The following USP6NL variants were observed in gnomAD, a reference collection of about 807,000 sequenced individuals.
USP6NL encodes the protein USP6 N-terminal like.
Under a neutral mutation model 61.9 loss-of-function variants are expected in USP6NL, and 26 were observed. The ratio of observed to expected loss-of-function variants is 0.42; its 90% CI spans 0.31 to 0.58. USP6NL has a LOEUF of 0.58. USP6NL is among the 20% of genes least tolerant of loss of function. The pLI is 0.16. For missense variants in USP6NL, 1,114 were observed against 1,034.3 expected, an observed-to-expected ratio of 1.08 and a Z score of -1.06; for synonymous variants, 432 against 390.1, an observed-to-expected ratio of 1.11 and a Z score of -1.27.
At chr10:11,583,913 C>T (rs1837877774) in intron 2 of USP6NL, among the ~76,000 whole-genome samples, 1 of 152,076 alleles carries the variant, frequency 6.6e-6, no homozygotes, top group Non-Finnish European at 1.5e-5. Context: ...CCTGTGGTCC[C>T]GGCTACTTCA....
At chr10:11,568,359 C>T (rs1468762563) in intron 2 of USP6NL, among the ~76,000 whole-genome samples, 2 of 152,134 alleles carry the variant, frequency 1.3e-5, no homozygotes, top group Non-Finnish European at 2.9e-5. Flanking sequence ...CACCATGACA[C>T]AAAGACATTC....
At chr10:11,582,617 T>C (rs1171975658) in intron 2 of USP6NL, among the ~76,000 whole-genome samples, 4 of 152,244 alleles carry the variant, frequency 2.6e-5, no homozygotes, top group Middle Eastern at 3.2e-3. Flanking sequence ...AAGCAGATTA[T>C]ATGATAGTAA....
Position 11,561,242 on chromosome 10 carries a change from T to A in USP6NL, c.5-33675A>T, listed in dbSNP as rs777631793. On this transcript the variant is annotated intron_variant, in intron 2 of 14. Coordinates refer to ENST00000609104, the MANE Select transcript of USP6NL (RefSeq NM_014688.5). This position sits in a 1 kb window ranked among gnomAD's most constrained non-coding sequence, Gnocchi z 4.1. ...CCTAACTGAACACTTAATTCATGCT[T>A]ATAAAATATTCAAGCAATACAGAAA... 2.6e-5 allele frequency among the ~76,000 whole-genome samples: 4 copies of A among 152,188 alleles called. No individual in the cohort carries two copies. The highest frequency in any genetic ancestry group is 4.4e-5 in the Non-Finnish European group (3 of 68,020).
Position 11,465,267 on chromosome 10 carries a change from A to G in USP6NL, c.1079-1418T>C, listed in dbSNP as rs1249776340. Among the ~76,000 whole-genome samples the G allele has an allele frequency of 2.0e-5, 3 of 152,260 alleles. No individual in the cohort carries two copies. Among genetic ancestry groups the G allele is most frequent in the Non-Finnish European group, 4.4e-5 (3 of 68,042 alleles). ...CTGGCTGATATTCCATCAGACAGCA[A>G]TATCAGCCAATCATCAAAACATCCT... On this transcript the variant is annotated intron_variant, in intron 14 of 14. Coordinates refer to ENST00000609104, the MANE Select transcript of USP6NL (RefSeq NM_014688.5). The surrounding 1 kb of genome is among the most constrained non-coding windows in gnomAD (Gnocchi z 4.5).
intron 2 of USP6NL, among the ~76,000 whole-genome samples, chr10:11,581,087 TC>T (rs1265449171): frequency 6.6e-6 from 1 of 152,200 alleles, no homozygotes; most frequent in Non-Finnish European, 1.5e-5. Flanking sequence ...GTCTCTATTT[TC>T]TTCTTTTTGT....
chr10:11,606,537 T>C (rs563086035), intron 1 of USP6NL, among the ~76,000 whole-genome samples: 3 of 151,920 alleles, frequency 2.0e-5, no homozygotes, highest in South Asian at 2.1e-4. Context: ...AGAAAGGAAA[T>C]TGAATGTAAA....
rs1012949793 is a variant in USP6NL at position 11,575,746 on chromosome 10, T to C, written c.4+21885A>G. Among the ~76,000 whole-genome samples, 1 of 152,246 alleles carries C rather than the reference T, an allele frequency of 6.6e-6. No homozygotes were observed. Among genetic ancestry groups the C allele is most frequent in the Non-Finnish European group, 1.5e-5 (1 of 68,036 alleles). On this transcript the variant is annotated intron_variant, in intron 2 of 14. Transcript: ENST00000609104. The surrounding 1 kb of genome is among the most constrained non-coding windows in gnomAD (Gnocchi z 4.2). ...TCATCACACATTGCATCAGTAAGAA[T>C]ATCTGATCACATACTCTGATGTATG...
At position 11,525,291 on chromosome 10, in the gene USP6NL, A is replaced by T; in HGVS notation, c.155+95T>A. 9.9e-7 allele frequency: 1 copy of T among 1,005,924 alleles called. No individual in the cohort carries two copies. Among genetic ancestry groups the T allele is most frequent in the Non-Finnish European group, 1.4e-6 (1 of 693,952 alleles). 62.3% of individuals were successfully genotyped at this position (1,005,924 alleles called of 1,614,324 possible). A position where few individuals can be genotyped will look rare whatever the true frequency, so the allele number is the denominator to read the frequency against. On this transcript the variant is annotated intron_variant, in intron 4 of 14. Coordinates refer to ENST00000609104, the MANE Select transcript of USP6NL (RefSeq NM_014688.5). This position sits in a 1 kb window ranked among gnomAD's most constrained non-coding sequence, Gnocchi z 5.0. Reference sequence around the variant, plus strand: ...CATATTGTAAGACTATTCCTTATTCACAGCAATTATATTAAAAATAAAGAA... The same window carrying T: ...CATATTGTAAGACTATTCCTTATTCTCAGCAATTATATTAAAAATAAAGAA...
intron 2 of USP6NL, among the ~76,000 whole-genome samples, chr10:11,570,027 A>T (rs1263345596): frequency 6.6e-6 from 1 of 152,156 alleles, no homozygotes; most frequent in African/African-American, 2.4e-5. Context: ...TGGGATGCTC[A>T]CACAAACTCT....
chr10:11,493,358 A>G (rs1490550962), intron 7 of USP6NL, 130 bp from the exon 8 acceptor site: 1 of 717,828 alleles, frequency 1.4e-6, no homozygotes, highest in Non-Finnish European at 2.3e-6. Flanking sequence ...AAAAAATCAA[A>G]ACTATATATA....
intron 14 of USP6NL, among the ~76,000 whole-genome samples, chr10:11,471,016 T>C (rs1407717217): frequency 1.3e-5 from 2 of 152,000 alleles, no homozygotes; most frequent in African/African-American, 4.8e-5. Context: ...AAACCCAGTC[T>C]CTACTAAAAA....
At position 11,553,521 on chromosome 10, in the gene USP6NL, T is replaced by C. The variant is rs1836570627; in HGVS notation, c.5-25954A>G. Among the ~76,000 whole-genome samples, 1 of 152,212 alleles carries C rather than the reference T, an allele frequency of 6.6e-6. No homozygotes were observed. Among genetic ancestry groups the C allele is most frequent in the Non-Finnish European group, 1.5e-5 (1 of 68,036 alleles). Reference sequence around the variant, plus strand: ...TGAAAATCAATGTTCCTTAATATATTATGGGAATATATACTTACATCCATT... The same window carrying C: ...TGAAAATCAATGTTCCTTAATATATCATGGGAATATATACTTACATCCATT... On this transcript the variant is annotated intron_variant, in intron 2 of 14. Transcript: ENST00000609104. The surrounding 1 kb of genome is among the most constrained non-coding windows in gnomAD (Gnocchi z 4.8).
chr10:11,500,982 C>A (rs913026965), intron 7 of USP6NL, 119 bp downstream of exon 7: 23 of 767,158 alleles, frequency 3.0e-5, no homozygotes, highest in Non-Finnish European at 4.1e-5. Context: ...ACCTCCAATG[C>A]GATAGAATTT....
chr10:11,611,525 GGC>G lies in USP6NL; in HGVS notation c.-168_-167del, dbSNP rs1838902874. ...CGGCCGAGCAGATCCGGCGCGGCGCGGCGCGGCGGCGGCGGCGGCTACCGCAG... is the reference window on the plus strand; with the variant it reads ...CGGCCGAGCAGATCCGGCGCGGCGCGGCGGCGGCGGCGGCGGCTACCGCAG... On this transcript the variant is annotated 5_prime_UTR_variant, in exon 1 of 15. Transcript: ENST00000609104. This position sits in a 1 kb window ranked among gnomAD's most constrained non-coding sequence, Gnocchi z 5.3. The G allele has an allele frequency of 6.3e-6, 1 of 159,590 alleles. No homozygotes were observed. The allele number at this position is 159,590 out of a possible 1,614,324, so 9.9% of individuals were successfully genotyped here.
intron 4 of USP6NL, among the ~76,000 whole-genome samples, chr10:11,521,207 G>C (rs977199976): frequency 6.6e-6 from 1 of 151,132 alleles, no homozygotes; most frequent in Admixed American, 6.6e-5. Context: ...TTTTATTTTT[G>C]TTTTTAAAGT....
rs1455418838 is a variant in USP6NL, at chr10:11,474,956, G to C, written c.1078+6814C>G. Among the ~76,000 whole-genome samples the C allele has an allele frequency of 6.6e-6, 1 of 152,166 alleles. No individual in the cohort carries two copies. The highest frequency in any genetic ancestry group is 6.5e-5 in the Admixed American group (1 of 15,270). On this transcript the variant is annotated intron_variant, in intron 14 of 14. Transcript: ENST00000609104. The surrounding 1 kb of genome is among the most constrained non-coding windows in gnomAD (Gnocchi z 4.9). ...CCCGTAAGCACTGAAGTACCCCGAA[G>C]GCTATGGCCATTTACCAAGACTAAA... is the stretch of plus-strand genomic sequence containing the variant.
chr10:11,521,617 T>C (rs1250318980), intron 4 of USP6NL, among the ~76,000 whole-genome samples: 6 of 152,010 alleles, frequency 3.9e-5, no homozygotes. Context: ...CCTCATCTCG[T>C]GATCCGCCCG....
At chr10:11,550,043 C>T (rs1036799757) in intron 2 of USP6NL, among the ~76,000 whole-genome samples, 1 of 152,182 alleles carries the variant, frequency 6.6e-6, no homozygotes, top group Non-Finnish European at 1.5e-5. Flanking sequence ...ACAGTCTTGT[C>T]AACAAATGGT....
Position 11,562,217 on chromosome 10 carries a change from G to C in USP6NL, c.5-34650C>G, listed in dbSNP as rs1035173801. ...GCGGAGGTTGCAGTGAGCCGAGATC[G>C]CACCACTGCACGCCAGCCTGGCGGA... On this transcript the variant is annotated intron_variant, in intron 2 of 14. Coordinates refer to ENST00000609104, the MANE Select transcript of USP6NL (RefSeq NM_014688.5). This position sits in a 1 kb window ranked among gnomAD's most constrained non-coding sequence, Gnocchi z 4.8. 6.7e-6 allele frequency among the ~76,000 whole-genome samples: 1 copy of C among 148,528 alleles called. No homozygotes were observed. The highest frequency in any genetic ancestry group is 1.5e-5 in the Non-Finnish European group (1 of 67,538).
Sources: gnomAD v4.1 joint callset for allele counts (sites outside exome capture counted in the v4.1 genomes callset) on GRCh38, gnomAD v4.1.1 for gene constraint, Gnocchi (gnomAD v3.1) non-coding constraint, MANE v1.5 for transcripts, NCBI Gene and HGNC (gene_info 2026-07-23, HGNC 2026-07-21) for gene names.